UGT2B17: variants seen among roughly 807,000 people sequenced by gnomAD.
UGT2B17 encodes UDP-glucuronosyltransferase 2B17.
Under a neutral mutation model 48.2 loss-of-function variants are expected in UGT2B17, and 21 were observed. The ratio of observed to expected loss-of-function variants is 0.44; its 90% confidence interval spans 0.31 to 0.63. The LOEUF is 0.63. UGT2B17 is among the 20% of genes least tolerant of loss of function. The pLI, the probability that UGT2B17 is intolerant of heterozygous loss-of-function variation, is 0.08. For missense variants in UGT2B17, 402 were observed against 696.1 expected (o/e 0.58, Z 4.75); for synonymous variants, 146 against 238.4 (o/e 0.61, Z 3.57).
intron 1 of UGT2B17, among the ~76,000 whole-genome samples, chr4:68,571,120 G>T (rs1731291509): frequency 8.0e-6 from 1 of 125,544 alleles, no homozygotes; most frequent in African/African-American, 2.7e-5. Flanking sequence ...GGTTGAGCAT[G>T]TAGATGGGGG....
Position 68,571,231 on chromosome 4 carries a change from T to C in UGT2B17, c.-64-2683A>G. Among the ~76,000 whole-genome samples, 2 of 125,458 alleles carry C rather than the reference T, an allele frequency of 1.6e-5. 1 individual carries two copies. The highest frequency in any genetic ancestry group is 3.4e-5 in the Non-Finnish European group (2 of 59,398). 82.3% of individuals were successfully genotyped at this position (125,458 alleles called of 152,430 possible). A position where few individuals can be genotyped will look rare whatever the true frequency, so the allele number is the denominator to read the frequency against. On this transcript the variant is annotated intron_variant, in intron 1 of 6. Transcript: ENST00000317746. ...TTATCATCTTTTCCTATGGCTATGC[T>C]TCATTTTTTTGTTCCCAGGAAGCAT...
intron 6 of UGT2B17, among the ~76,000 whole-genome samples, chr4:68,543,192 A>C (rs1261101048): frequency 7.9e-6 from 1 of 125,914 alleles, no homozygotes; most frequent in Non-Finnish European, 1.7e-5. Flanking sequence ...ACCCCCCAGT[A>C]GGGGCAGACT....
rs567169467 is a variant in UGT2B17, at chr4:68,548,878, C to T, written c.1313+1799G>A. On this transcript the variant is annotated intron_variant, in intron 6 of 6. Coordinates refer to ENST00000317746, the MANE Select transcript of UGT2B17 (RefSeq NM_001077.4). ...CTATCCGGAGGCTTTGCTGAAGTTG[C>T]TTATCAGCTTAAGGAATTTTAGAAC... is the stretch of plus-strand genomic sequence containing the variant. Among the ~76,000 whole-genome samples the T allele has an allele frequency of 7.2e-5, 9 of 124,712 alleles. 2 individuals carry two copies. Among genetic ancestry groups the T allele is most frequent in the African/African-American group, 2.5e-4 (9 of 36,646 alleles). 81.8% of individuals were successfully genotyped at this position (124,712 alleles called of 152,430 possible). A position where few individuals can be genotyped will look rare whatever the true frequency, so the allele number is the denominator to read the frequency against.
At chr4:68,541,610 T>C (rs1023161410) in intron 6 of UGT2B17, among the ~76,000 whole-genome samples, 1 of 126,320 alleles carries the variant, frequency 7.9e-6, no homozygotes, top group African/African-American at 2.7e-5. Flanking sequence ...TGCCCTCTGA[T>C]GATGGTTTAT....
intron 4 of UGT2B17, among the ~76,000 whole-genome samples, chr4:68,559,991 A>G (rs1731073875): frequency 7.6e-6 from 1 of 131,226 alleles, no homozygotes; most frequent in Non-Finnish European, 1.6e-5. Flanking sequence ...AGACTAGGAC[A>G]TTCTTTCTCT....
At position 68,554,361 on chromosome 4, in the gene UGT2B17, C is replaced by T. The variant is rs528978935; in HGVS notation, c.1006-2450G>A. On this transcript the variant is annotated intron_variant, in intron 4 of 6. Coordinates refer to ENST00000317746, the MANE Select transcript of UGT2B17 (RefSeq NM_001077.4). ...GAGTTTATGTAAAATGAAGGTAATACGGTCTTTGTGCACATATACATTAAG... is the reference window on the plus strand; with the variant it reads ...GAGTTTATGTAAAATGAAGGTAATATGGTCTTTGTGCACATATACATTAAG... Among the ~76,000 whole-genome samples, 118 of 126,396 alleles carry T rather than the reference C, an allele frequency of 9.3e-4. 31 individuals carry two copies. Among genetic ancestry groups the T allele is most frequent in the Non-Finnish European group, 1.7e-3 (102 of 59,552 alleles). 82.9% of individuals were successfully genotyped at this position (126,396 alleles called of 152,430 possible).
chr4:68,537,306 T>A lies in UGT2B17; in HGVS notation c.*319A>T. 6.6e-6 allele frequency: 1 copy of A among 150,952 alleles called. No individual in the cohort carries two copies. The highest frequency in any genetic ancestry group is 1.3e-5 in the Non-Finnish European group (1 of 77,540). The allele number at this position is 150,952 out of a possible 1,614,324, so 9.4% of individuals were successfully genotyped here. A position where few individuals can be genotyped will look rare whatever the true frequency, so the allele number is the denominator to read the frequency against. On this transcript the variant is annotated 3_prime_UTR_variant, in exon 7 of 7. Transcript: ENST00000317746. The stretch of plus-strand genomic sequence containing the variant: ...TATGAGTGGAGTTGTTAATGTTTTG[T>A]GTTCAAATACAATGTGTGAAACATA...
In UGT2B17 at chr4:68,566,955, A is replaced by G. The variant is rs915841130; in HGVS notation, c.724+806T>C. The stretch of plus-strand genomic sequence containing the variant: ...GTAAACCATGAGTTTTTTGAGCTCA[A>G]CACTGAAATCTTTACACCTACTACT... On this transcript the variant is annotated intron_variant, in intron 2 of 6. Coordinates refer to ENST00000317746, the MANE Select transcript of UGT2B17 (RefSeq NM_001077.4). 3.4e-4 allele frequency among the ~76,000 whole-genome samples: 38 copies of G among 112,966 alleles called. 3 individuals are homozygous for G. Among genetic ancestry groups the G allele is most frequent in the South Asian group, 8.8e-4 (2 of 2,278 alleles). 74.1% of individuals were successfully genotyped at this position (112,966 alleles called of 152,430 possible).
At position 68,541,885 on chromosome 4, in the gene UGT2B17, C is replaced by A. The variant is rs551149451; in HGVS notation, c.1314-3981G>T. 2.1e-4 allele frequency among the ~76,000 whole-genome samples: 26 copies of A among 126,668 alleles called. 9 individuals carry two copies. Among genetic ancestry groups the A allele is most frequent in the African/African-American group, 5.7e-4 (21 of 37,130 alleles). The allele number at this position is 126,668 out of a possible 152,430, so 83.1% of individuals were successfully genotyped here. On this transcript the variant is annotated intron_variant, in intron 6 of 6. Coordinates refer to ENST00000317746, the MANE Select transcript of UGT2B17 (RefSeq NM_001077.4). ...TATGGCCAGCCAGTTTCCCCAGCAC[C>A]ATTTATTAAATAGGGAATCCTTTCC...
intron 3 of UGT2B17, among the ~76,000 whole-genome samples, chr4:68,564,288 A>ATTTTTTTTTT (rs1387074234): frequency 2.3e-5 from 2 of 87,416 alleles, no homozygotes; most frequent in African/African-American, 1.3e-4. Flanking sequence ...ATATATATAT[A>ATTTTTTTTTT]TATATATTTT....
chr4:68,549,723 C>T (rs1400966526), intron 6 of UGT2B17, among the ~76,000 whole-genome samples: 1 of 125,848 alleles, frequency 7.9e-6, no homozygotes, highest in African/African-American at 2.7e-5. Context: ...GATGCAAATA[C>T]TTTGAAAAAC....
intron 1 of UGT2B17, among the ~76,000 whole-genome samples, chr4:68,571,953 T>C (rs1217553845): frequency 8.0e-6 from 1 of 125,420 alleles, no homozygotes; most frequent in African/African-American, 2.7e-5. Context: ...TCTAATGATA[T>C]ATATTTTTCT....
Position 68,538,884 on chromosome 4 carries a change from G to T in UGT2B17, c.1314-980C>A, listed in dbSNP as rs1272095049. On this transcript the variant is annotated intron_variant, in intron 6 of 6. Transcript: ENST00000317746. ...TCACCTTAGCCCGTTTACACCTTTT[G>T]TTCCCCGTGTCTCTCTCATTGAGCA... Among the ~76,000 whole-genome samples the T allele has an allele frequency of 4.0e-5, 5 of 125,014 alleles. 1 individual carries two copies. Among genetic ancestry groups the T allele is most frequent in the Non-Finnish European group, 6.7e-5 (4 of 59,340 alleles). 82.0% of individuals were successfully genotyped at this position (125,014 alleles called of 152,430 possible). A position where few individuals can be genotyped will look rare whatever the true frequency, so the allele number is the denominator to read the frequency against.
At position 68,551,100 on chromosome 4, in the gene UGT2B17, G is replaced by A. The variant is rs1277013034; in HGVS notation, c.1094-204C>T. On this transcript the variant is annotated intron_variant, in intron 5 of 6. Transcript: ENST00000317746. ...TAAGTGAAGGCTACATGAAAAGGTG[G>A]TGGTCTGTGTGTCTTCACAGTGGAA... 3.2e-5 allele frequency among the ~76,000 whole-genome samples: 4 copies of A among 125,048 alleles called. 2 individuals are homozygous for A. Among genetic ancestry groups the A allele is most frequent in the Admixed American group, 1.6e-4 (2 of 12,158 alleles). 82.0% of individuals were successfully genotyped at this position (125,048 alleles called of 152,430 possible). A position where few individuals can be genotyped will look rare whatever the true frequency, so the allele number is the denominator to read the frequency against.
In UGT2B17 at chr4:68,568,203, G is replaced by A. The variant is rs201730106; in HGVS notation, c.282C>T (p.Phe94=). 1.2e-4 allele frequency: 159 copies of A among 1,372,464 alleles called. 38 individuals carry two copies. Among genetic ancestry groups the A allele is most frequent in the Middle Eastern group, 7.9e-4 (4 of 5,050 alleles). 85.0% of individuals were successfully genotyped at this position (1,372,464 alleles called of 1,614,324 possible). ...TTGAAATACTATATGTCCATCTATCGAACATTTTCATAAAAAAATCTTCCA... is the reference window on the plus strand; with the variant it reads ...TTGAAATACTATATGTCCATCTATCAAACATTTTCATAAAAAAATCTTCCA... The part of the protein sequence containing the change: ...NDLEDFFMKM[F]DRWTYSISKN... Residue 94 remains phenylalanine (F), a synonymous_variant, in exon 2 of 7, where the codon TTC becomes TTT. Coordinates refer to ENST00000317746, the MANE Select transcript of UGT2B17 (RefSeq NM_001077.4).
rs1437697091 is a variant in UGT2B17 at position 68,565,975 on chromosome 4, A to C, written c.725-255T>G. ...AAATTAATGTATTTAATATATGTTA[A>C]TATATTTTAATTTAATAGTATTTAA... On this transcript the variant is annotated intron_variant, in intron 2 of 6. Coordinates refer to ENST00000317746, the MANE Select transcript of UGT2B17 (RefSeq NM_001077.4). Among the ~76,000 whole-genome samples the C allele has an allele frequency of 2.5e-5, 3 of 118,600 alleles. 1 individual carries two copies. Among genetic ancestry groups the C allele is most frequent in the Non-Finnish European group, 5.2e-5 (3 of 57,828 alleles). 77.8% of individuals were successfully genotyped at this position (118,600 alleles called of 152,430 possible).
rs1730744067 is a variant in UGT2B17, at chr4:68,544,056, C to T, written c.1314-6152G>A. Among the ~76,000 whole-genome samples the T allele has an allele frequency of 2.4e-5, 3 of 126,010 alleles. 1 individual carries two copies. The Admixed American group carries it at 2.4e-4, about 10-fold the overall frequency. The allele number at this position is 126,010 out of a possible 152,430, so 82.7% of individuals were successfully genotyped here. On this transcript the variant is annotated intron_variant, in intron 6 of 6. Coordinates refer to ENST00000317746, the MANE Select transcript of UGT2B17 (RefSeq NM_001077.4). ...TCCCCAATCTAGCAAGGCAGGCTGA[C>T]ATTCAAATTCAAGACATACAGAGAA... is the stretch of plus-strand genomic sequence containing the variant.
Position 68,568,330 on chromosome 4 carries a change from T to C in UGT2B17, c.155A>G (p.Glu52Gly). Residue 52 changes from glutamate (E) to glycine (G), a missense_variant, in exon 2 of 7, where the codon GAG becomes GGG. Coordinates refer to ENST00000317746, the MANE Select transcript of UGT2B17 (RefSeq NM_001077.4). ...AGCCGAAGATGTCAACACAATCACCTCATGACCCCTCTGAACAAGCTCTTC... is the reference window on the plus strand; with the variant it reads ...AGCCGAAGATGTCAACACAATCACCCCATGACCCCTCTGAACAAGCTCTTC... ...ILEELVQRGH[E>G]VIVLTSSASI... The C allele has an allele frequency of 7.2e-7, 1 of 1,380,280 alleles. No individual in the cohort carries two copies. The highest frequency in any genetic ancestry group is 9.5e-7 in the Non-Finnish European group (1 of 1,055,174). 85.5% of individuals were successfully genotyped at this position (1,380,280 alleles called of 1,614,324 possible).
intron 3 of UGT2B17, among the ~76,000 whole-genome samples, chr4:68,562,618 A>C (rs1731124947): frequency 7.9e-6 from 1 of 126,054 alleles, no homozygotes; most frequent in Non-Finnish European, 1.7e-5. Context: ...ATCAGCACTG[A>C]TCTCATTCTG....
Sources: allele counts gnomAD v4.1 joint callset (sites outside exome capture counted in the v4.1 genomes callset), GRCh38; gene constraint gnomAD v4.1.1; transcripts MANE v1.5; gene names NCBI Gene and HGNC (gene_info 2026-07-23, HGNC 2026-07-21).